DCC: variants seen among roughly 807,000 people sequenced by gnomAD.
DCC encodes the protein netrin receptor DCC.
DCC carries 58 observed loss-of-function variants against 172.5 expected under a neutral mutation model. The ratio of observed to expected loss-of-function variants is 0.34; its 90% CI spans 0.27 to 0.42. The LOEUF (loss-of-function observed/expected upper bound fraction) is 0.42. Ranked by LOEUF, DCC falls within the 10% of genes least tolerant of loss-of-function variation. The pLI is 1.00. For synonymous variants in DCC, 709 were observed against 644.5 expected (o/e 1.10, Z -1.52); for missense variants, 1,740 against 1,791.0 (o/e 0.97, Z 0.51).
chr18:52,678,814 A>G (rs921276834), intron 1 of DCC, among the ~76,000 whole-genome samples: 1 of 151,968 alleles, frequency 6.6e-6, no homozygotes, highest in Non-Finnish European at 1.5e-5. Context: ...CACCCTAAGA[A>G]TCTCACACTC....
chr18:52,796,191 A>T (rs1171344959), intron 2 of DCC, among the ~76,000 whole-genome samples: 1 of 151,570 alleles, frequency 6.6e-6, no homozygotes, highest in Admixed American at 6.6e-5. Context: ...TCATTGTTTT[A>T]AATGCATTCA....
chr18:52,843,927 A>G (rs898202802), intron 2 of DCC, among the ~76,000 whole-genome samples: 3 of 152,148 alleles, frequency 2.0e-5, no homozygotes, highest in African/African-American at 4.8e-5. Flanking sequence ...GTTTTTATAT[A>G]CAACTTTAAT....
intron 2 of DCC, among the ~76,000 whole-genome samples, chr18:52,768,107 C>G: frequency 6.6e-6 from 1 of 152,270 alleles, no homozygotes. Flanking sequence ...AACAAGGTGA[C>G]ATATTAAATT....
intron 1 of DCC, among the ~76,000 whole-genome samples, chr18:52,608,393 A>G (rs564394611): frequency 2.6e-5 from 4 of 152,274 alleles, no homozygotes; most frequent in East Asian, 1.9e-4. Flanking sequence ...GGTTTTTGAG[A>G]CCACTGAGGA....
chr18:53,369,325 A>G (rs2058036962), intron 15 of DCC, among the ~76,000 whole-genome samples: 1 of 151,934 alleles, frequency 6.6e-6, no homozygotes, highest in African/African-American at 2.4e-5. Flanking sequence ...GTTTTTTTGT[A>G]CGTGTTTCTG....
At chr18:52,804,250 T>TTTAGAAG (rs5824963) in intron 2 of DCC, among the ~76,000 whole-genome samples, 112,721 of 151,332 alleles carry the variant, frequency 0.74, 42,748 homozygotes, top group East Asian at 0.88. Context: ...TGTATACAAC[T>TTTAGAAG]TTAGTTCTCA....
intron 1 of DCC, among the ~76,000 whole-genome samples, chr18:52,711,766 G>A (rs2036295541): frequency 6.6e-6 from 1 of 152,144 alleles, no homozygotes; most frequent in African/African-American, 2.4e-5. Flanking sequence ...TCATCTTTGT[G>A]TTCCCTTGTG....
At chr18:53,252,849 T>C (rs891493225) in intron 12 of DCC, among the ~76,000 whole-genome samples, 4 of 152,046 alleles carry the variant, frequency 2.6e-5, no homozygotes, top group African/African-American at 4.8e-5. Flanking sequence ...TTTATGGAGA[T>C]AGTTTGCATT....
intron 5 of DCC, among the ~76,000 whole-genome samples, chr18:52,931,392 T>C (rs2040304929): frequency 6.6e-6 from 1 of 151,792 alleles, no homozygotes; most frequent in African/African-American, 2.4e-5. Context: ...AATCCAAGCT[T>C]CTGCTTATAA....
intron 1 of DCC, among the ~76,000 whole-genome samples, chr18:52,409,543 A>G (rs1437648203): frequency 6.6e-6 from 1 of 152,168 alleles, no homozygotes; most frequent in Non-Finnish European, 1.5e-5. Context: ...ATTTAGAGCC[A>G]GCGGCCTGGG....
At chr18:53,334,904 C>G (rs150227498) in intron 14 of DCC, among the ~76,000 whole-genome samples, 58 of 152,226 alleles carry the variant, frequency 3.8e-4, no homozygotes, top group Admixed American at 9.8e-4. Flanking sequence ...CATGGATGTA[C>G]AAATATTTGT....
intron 5 of DCC, among the ~76,000 whole-genome samples, chr18:52,937,160 G>A (rs2040392733): frequency 6.6e-6 from 1 of 152,100 alleles, no homozygotes; most frequent in South Asian, 2.1e-4. Context: ...ATATTTCTCT[G>A]AGGTTACAGT....
chr18:52,694,325 G>A (rs1398121877), intron 1 of DCC, among the ~76,000 whole-genome samples: 1 of 152,098 alleles, frequency 6.6e-6, no homozygotes, highest in African/African-American at 2.4e-5. Context: ...TGTGATTCCT[G>A]ATTAGATCCT....
At chr18:53,500,194 T>G (rs72918277) in intron 27 of DCC, among the ~76,000 whole-genome samples, 1 of 152,000 alleles carries the variant, frequency 6.6e-6, no homozygotes, top group South Asian at 2.1e-4. Flanking sequence ...CTCCATTTTG[T>G]TTTTGTTAGG....
At chr18:53,200,295 C>A (rs575199863) in intron 9 of DCC, among the ~76,000 whole-genome samples, 11 of 152,242 alleles carry the variant, frequency 7.2e-5, no homozygotes, top group Non-Finnish European at 1.5e-4. Context: ...TAGTTCATAC[C>A]AGATGTGTGA....
intron 1 of DCC, among the ~76,000 whole-genome samples, chr18:52,740,129 T>G (rs1218686425): frequency 6.6e-6 from 1 of 152,184 alleles, no homozygotes; most frequent in Non-Finnish European, 1.5e-5. Flanking sequence ...ATGAATAAGT[T>G]GCACATATAG....
At chr18:53,229,923 T>G (rs6508211) in intron 12 of DCC, among the ~76,000 whole-genome samples, 44,841 of 152,144 alleles carry the variant, frequency 0.29, 8,649 homozygotes, top group East Asian at 0.61. Context: ...TAAGCCTTTA[T>G]TTTCTTCCAA....
At chr18:52,706,364 GA>G (rs1344260710) in intron 1 of DCC, among the ~76,000 whole-genome samples, 9 of 152,138 alleles carry the variant, frequency 5.9e-5, no homozygotes, top group Middle Eastern at 3.2e-3. Flanking sequence ...ACCAAGGCTT[GA>G]AAATGGTATT....
intron 1 of DCC, among the ~76,000 whole-genome samples, chr18:52,403,000 G>T (rs557582718): frequency 6.6e-6 from 1 of 152,128 alleles, no homozygotes. Context: ...AGCTGAAGAT[G>T]CATGTGTTTT....
Sources: gnomAD v4.1 joint callset for allele counts (sites outside exome capture counted in the v4.1 genomes callset) on GRCh38, gnomAD v4.1.1 for gene constraint, MANE v1.5 for transcripts, NCBI Gene and HGNC (gene_info 2026-07-23, HGNC 2026-07-21) for gene names.